Variants in DCLK1 observed in about 807,000 individuals in gnomAD.
DCLK1 encodes the protein serine/threonine-protein kinase DCLK1.
Under a neutral mutation model 86.2 loss-of-function variants are expected in DCLK1, and 16 were observed. The ratio of observed to expected loss-of-function variants is 0.19; its 90% CI spans 0.13 to 0.28. The LOEUF (loss-of-function observed/expected upper bound fraction) is 0.28. Among genes scored for constraint, DCLK1 ranks in the 10% least tolerant of loss-of-function variants. The probability of loss-of-function intolerance (pLI) is 1.00; values close to 1 mark genes in which losing one functional copy is unlikely to be tolerated. For missense variants in DCLK1, 590 were observed against 940.2 expected (o/e 0.63, Z 4.87); for synonymous variants, 369 against 370.5 (o/e 1.00, Z 0.05).
chr13:35,995,890 G>T, intron 3 of DCLK1, among the ~76,000 whole-genome samples: 1 of 151,918 alleles, frequency 6.6e-6, no homozygotes, highest in African/African-American at 2.4e-5. Flanking sequence ...TCTATATTAG[G>T]CTTTACTTAA....
intron 3 of DCLK1, among the ~76,000 whole-genome samples, chr13:36,106,204 G>GA (rs11339034): frequency 3.4e-4 from 49 of 145,912 alleles, no homozygotes; most frequent in Non-Finnish European, 5.3e-4. Flanking sequence ...AGCTCAAAGT[G>GA]AAAAAAAAAA....
chr13:36,075,522 G>A (rs546158430), intron 3 of DCLK1, among the ~76,000 whole-genome samples: 1 of 152,260 alleles, frequency 6.6e-6, no homozygotes, highest in African/African-American at 2.4e-5. Context: ...ATTTAAAAAA[G>A]AGAAGTAAAG....
chr13:35,775,278 A>G (rs2086404570), intron 16 of DCLK1, among the ~76,000 whole-genome samples: 3 of 152,218 alleles, frequency 2.0e-5, no homozygotes, highest in Non-Finnish European at 4.4e-5. Context: ...TAATGAAACC[A>G]ATGCCTGAAA....
intron 3 of DCLK1, among the ~76,000 whole-genome samples, chr13:36,031,782 G>A (rs1882285809): frequency 1.3e-5 from 2 of 152,174 alleles, no homozygotes; most frequent in Non-Finnish European, 2.9e-5. Context: ...GTTGAAACGC[G>A]TGGCTGTCAT....
chr13:35,799,738 T>C (rs2086882312), intron 15 of DCLK1, among the ~76,000 whole-genome samples: 2 of 152,328 alleles, frequency 1.3e-5, no homozygotes, highest in South Asian at 2.1e-4. Flanking sequence ...ATCCTAATTA[T>C]ATATAAGAAT....
At chr13:36,067,848 T>C (rs1300343056) in intron 3 of DCLK1, among the ~76,000 whole-genome samples, 1 of 152,144 alleles carries the variant, frequency 6.6e-6, no homozygotes, top group Non-Finnish European at 1.5e-5. Flanking sequence ...AAAATCACTA[T>C]GCTAAATGAG....
At chr13:36,122,591 C>G (rs994791133) in intron 2 of DCLK1, among the ~76,000 whole-genome samples, 1 of 152,096 alleles carries the variant, frequency 6.6e-6, no homozygotes, top group Non-Finnish European at 1.5e-5. Context: ...ACAACATTTA[C>G]CTACCTACAG....
At chr13:36,089,259 C>A (rs919201805) in intron 3 of DCLK1, among the ~76,000 whole-genome samples, 1 of 152,158 alleles carries the variant, frequency 6.6e-6, no homozygotes, top group Non-Finnish European at 1.5e-5. Flanking sequence ...TGTAAGCTCT[C>A]CTCTACTTGA....
intron 3 of DCLK1, among the ~76,000 whole-genome samples, chr13:35,968,292 A>C (rs1282651745): frequency 1.3e-5 from 2 of 152,152 alleles, no homozygotes; most frequent in African/African-American, 4.8e-5. Context: ...GAAGATGAAA[A>C]AGTTCTGGAG....
chr13:35,906,515 G>T (rs557548952), intron 4 of DCLK1, among the ~76,000 whole-genome samples: 1 of 152,270 alleles, frequency 6.6e-6, no homozygotes, highest in South Asian at 2.1e-4. Flanking sequence ...GATTTTGATG[G>T]ATGGTAAAGA....
intron 4 of DCLK1, among the ~76,000 whole-genome samples, chr13:35,918,892 G>GTTATTTTTTTTTTTTTTTTTTT (rs1875602272): frequency 1.3e-5 from 1 of 76,310 alleles, no homozygotes; most frequent in Non-Finnish European, 2.5e-5. Flanking sequence ...TTCTGAGTGT[G>GTTATTTTTTTTTTTTTTTTTTT]TTTTTTTTTT....
intron 4 of DCLK1, among the ~76,000 whole-genome samples, chr13:35,924,191 T>C (rs1221209262): frequency 6.6e-6 from 1 of 152,184 alleles, no homozygotes; most frequent in Non-Finnish European, 1.5e-5. Flanking sequence ...TCTATGTCTC[T>C]ATGAACTGCT....
At chr13:35,892,896 G>A (rs1008136883) in intron 4 of DCLK1, among the ~76,000 whole-genome samples, 3 of 152,212 alleles carry the variant, frequency 2.0e-5, no homozygotes, top group Middle Eastern at 3.2e-3. Context: ...TTTCTTGGCT[G>A]CAAGCATAAA....
chr13:35,958,124 TACCACTACTATAACCACCACC>T (rs1367943020), intron 3 of DCLK1, among the ~76,000 whole-genome samples: 6 of 1,110 alleles, frequency 5.4e-3, no homozygotes, highest in African/African-American at 0.012. Flanking sequence ...CCACCACCAC[TACCACTACTATAACCACCACC>T]ACCACCACTA....
chr13:35,788,376 T>C, intron 16 of DCLK1: 5 of 1,179,002 alleles, frequency 4.2e-6, no homozygotes, highest in South Asian at 1.2e-5. Flanking sequence ...TGATTCTATA[T>C]GTATATATAG....
At position 35,819,151 on chromosome 13, in the gene DCLK1, G is replaced by A. The variant is rs148623991; in HGVS notation, c.1554+3578C>T. 7.2e-4 allele frequency among the ~76,000 whole-genome samples: 109 copies of A among 152,210 alleles called. 1 individual carries two copies. The highest frequency in any genetic ancestry group is 2.6e-3 in the African/African-American group (106 of 41,546). The stretch of plus-strand genomic sequence containing the variant: ...CAACCAGTAAAGCAACAAGAACCAT[G>A]TAAAATCATGGGCATGATCAATTTG... On this transcript the variant is annotated intron_variant, in intron 11 of 16. Transcript: ENST00000360631.
intron 16 of DCLK1, among the ~76,000 whole-genome samples, chr13:35,791,824 G>A (rs571375670): frequency 2.6e-5 from 4 of 152,178 alleles, no homozygotes; most frequent in Non-Finnish European, 5.9e-5. Flanking sequence ...CTTAGCAGGA[G>A]AAAAACAGTC....
intron 3 of DCLK1, among the ~76,000 whole-genome samples, chr13:36,019,463 C>G (rs1006017114): frequency 2.6e-5 from 4 of 152,152 alleles, no homozygotes; most frequent in Non-Finnish European, 4.4e-5. Flanking sequence ...CAGCCTGTTT[C>G]TTCACTTACT....
chr13:35,783,970 C>A (rs1331608088), intron 16 of DCLK1, among the ~76,000 whole-genome samples: 6 of 152,204 alleles, frequency 3.9e-5, no homozygotes, highest in Non-Finnish European at 7.3e-5. Context: ...TACTTACACC[C>A]TTTCTTAGCA....
Sources: gnomAD v4.1 joint callset for allele counts (sites outside exome capture counted in the v4.1 genomes callset) on GRCh38, gnomAD v4.1.1 for gene constraint, MANE v1.5 for transcripts, NCBI Gene and HGNC (gene_info 2026-07-23, HGNC 2026-07-21) for gene names.